Variants in ATE1 observed in about 807,000 individuals in gnomAD.
ATE1 encodes the protein arginyl-tRNA--protein transferase 1.
Under a neutral mutation model 70.5 loss-of-function variants are expected in ATE1, and 36 were observed. The observed-to-expected ratio is 0.51, with a 90% confidence interval of 0.39 to 0.67. The LOEUF (loss-of-function observed/expected upper bound fraction) is 0.67, where lower values mean the gene tolerates loss of function less well. Among genes scored for constraint, ATE1 ranks in the 30% least tolerant of loss-of-function variants. ATE1 has a pLI of 0.00. For synonymous variants in ATE1, 232 were observed against 219.3 expected (o/e 1.06, Z -0.51); for missense variants, 593 against 629.5 (o/e 0.94, Z 0.62).
intron 7 of ATE1, among the ~76,000 whole-genome samples, chr10:121,894,630 G>A (rs1431690912): frequency 6.6e-6 from 1 of 151,814 alleles, no homozygotes; most frequent in Non-Finnish European, 1.5e-5. Flanking sequence ...CCGGGTGTGG[G>A]AGCTCACGCC....
intron 11 of ATE1, among the ~76,000 whole-genome samples, chr10:121,746,072 C>G (rs1157111406): frequency 1.3e-5 from 2 of 152,062 alleles, no homozygotes; most frequent in Admixed American, 1.3e-4. Context: ...GCAGAATTAC[C>G]CGCTTCCCCA....
chr10:121,743,860 T>C lies in ATE1; in HGVS notation c.1379-2A>G, dbSNP rs369184266. ...GTTCCGTACTGCGATCCTCATCCAC[T>C]GCAACGACAAAAAATACTGATTTGT... On this transcript the variant is annotated splice_acceptor_variant, in intron 11 of 11. Transcript: ENST00000224652. LOFTEE classifies it high-confidence loss of function. 5 of 1,583,872 alleles carry C rather than the reference T, an allele frequency of 3.2e-6. No individual in the cohort carries two copies. Among genetic ancestry groups the C allele is most frequent in the South Asian group, 2.3e-5 (2 of 86,350 alleles).
At chr10:121,927,394 G>T (rs562241021) in intron 1 of ATE1, 3 of 978,486 alleles carry the variant, frequency 3.1e-6, no homozygotes, top group South Asian at 4.7e-5. Flanking sequence ...CTGTACATTC[G>T]TCCAGGGAAG....
chr10:121,864,022 TCTGA>T (rs542688807), intron 8 of ATE1, among the ~76,000 whole-genome samples: 82 of 152,342 alleles, frequency 5.4e-4, no homozygotes, highest in African/African-American at 1.9e-3. Context: ...CCTGACAATC[TCTGA>T]CTTTTAATTG....
Position 121,743,588 on chromosome 10 carries a change from G to A in ATE1, c.*92C>T. ...AAAATAAAAAATGTCTAATTTGTGGGTGGTGACAGTTATTTCCCCACAGGT... is the reference window on the plus strand; with the variant it reads ...AAAATAAAAAATGTCTAATTTGTGGATGGTGACAGTTATTTCCCCACAGGT... On this transcript the variant is annotated 3_prime_UTR_variant, in exon 12 of 12. Coordinates refer to ENST00000224652, the MANE Select transcript of ATE1 (RefSeq NM_001001976.3). 7.1e-7 allele frequency: 1 copy of A among 1,404,168 alleles called. No homozygotes were observed. Among genetic ancestry groups the A allele is most frequent in the Non-Finnish European group, 9.2e-7 (1 of 1,081,356 alleles). 87.0% of individuals were successfully genotyped at this position (1,404,168 alleles called of 1,614,324 possible). A position where few individuals can be genotyped will look rare whatever the true frequency, so the allele number is the denominator to read the frequency against.
intron 8 of ATE1, among the ~76,000 whole-genome samples, chr10:121,862,532 A>AT (rs35130703): frequency 0.57 from 60,748 of 105,750 alleles, 18,923 homozygotes; most frequent in South Asian, 0.79. Flanking sequence ...AATTTTTTTA[A>AT]TTTTTTTTTT....
At chr10:121,783,113 CTA>C (rs886159185) in intron 11 of ATE1, among the ~76,000 whole-genome samples, 13 of 152,082 alleles carry the variant, frequency 8.5e-5, no homozygotes, top group African/African-American at 2.2e-4. Flanking sequence ...CAGCTCATAC[CTA>C]TGTTTTTTAC....
chr10:121,775,928 T>A (rs927108781), intron 11 of ATE1, among the ~76,000 whole-genome samples: 1 of 152,362 alleles, frequency 6.6e-6, no homozygotes, highest in African/African-American at 2.4e-5. Flanking sequence ...AAGAATACTC[T>A]AATACACCTT....
At chr10:121,928,345 A>C, upstream of ATE1, 2 of 1,521,860 alleles carry the variant, frequency 1.3e-6, no homozygotes, top group South Asian at 1.2e-5. Context: ...GGGAACACTC[A>C]CCGCAGGACG....
intron 8 of ATE1, among the ~76,000 whole-genome samples, chr10:121,861,753 A>T (rs866874392): frequency 0.057 from 8,543 of 150,442 alleles, 768 homozygotes; most frequent in African/African-American, 0.19. Flanking sequence ...GTATAATAAA[A>T]AAAAAAAAAA....
intron 5 of ATE1, among the ~76,000 whole-genome samples, chr10:121,910,199 G>T (rs1430020978): frequency 6.6e-6 from 1 of 152,102 alleles, no homozygotes; most frequent in African/African-American, 2.4e-5. Context: ...ACATAGTTTA[G>T]ACAAGAAAAA....
At chr10:121,761,835 A>G (rs1945052592) in intron 11 of ATE1, among the ~76,000 whole-genome samples, 1 of 152,102 alleles carries the variant, frequency 6.6e-6, no homozygotes, top group Non-Finnish European at 1.5e-5. Flanking sequence ...TTTTTTCTCT[A>G]TATTAGTTCC....
At chr10:121,903,851 C>T (rs970662658) in intron 5 of ATE1, among the ~76,000 whole-genome samples, 1 of 151,886 alleles carries the variant, frequency 6.6e-6, no homozygotes, top group African/African-American at 2.4e-5. Flanking sequence ...AAAATTTTTA[C>T]TATTATAAAC....
At chr10:121,838,473 T>G (rs1948511414) in intron 9 of ATE1, among the ~76,000 whole-genome samples, 4 of 152,170 alleles carry the variant, frequency 2.6e-5, no homozygotes. Flanking sequence ...GCACTTAGAT[T>G]TGCTAACCTT....
chr10:121,880,471 T>C (rs1292748412), intron 7 of ATE1, among the ~76,000 whole-genome samples: 1 of 151,856 alleles, frequency 6.6e-6, no homozygotes, highest in African/African-American at 2.4e-5. Context: ...AAGAATCACA[T>C]TCTTCCACAG....
chr10:121,915,103 G>T (rs948352703), intron 3 of ATE1, among the ~76,000 whole-genome samples: 1 of 152,098 alleles, frequency 6.6e-6, no homozygotes, highest in Non-Finnish European at 1.5e-5. Flanking sequence ...GAACAAACTG[G>T]AGAAAGTAAC....
intron 4 of ATE1, among the ~76,000 whole-genome samples, chr10:121,911,482 A>G (rs906116767): frequency 1.3e-4 from 19 of 151,512 alleles, no homozygotes; most frequent in African/African-American, 4.6e-4. Flanking sequence ...GCGCCCTAGC[A>G]GGGCAATGTA....
At chr10:121,890,993 C>T (rs1425161965) in intron 7 of ATE1, among the ~76,000 whole-genome samples, 2 of 152,148 alleles carry the variant, frequency 1.3e-5, no homozygotes, top group African/African-American at 4.8e-5. Flanking sequence ...GATGTTGAAA[C>T]GGCTCCACTG....
intron 9 of ATE1, among the ~76,000 whole-genome samples, chr10:121,840,323 A>T (rs1183447959): frequency 6.6e-6 from 1 of 152,160 alleles, no homozygotes; most frequent in Non-Finnish European, 1.5e-5. Context: ...GCATTAACTT[A>T]ACGTTTAATT....
Sources: gnomAD v4.1 joint callset for allele counts (sites outside exome capture counted in the v4.1 genomes callset) on GRCh38, gnomAD v4.1.1 for gene constraint, MANE v1.5 for transcripts, NCBI Gene and HGNC (gene_info 2026-07-23, HGNC 2026-07-21) for gene names.